Variants in NNT observed in about 807,000 individuals in gnomAD.
NNT encodes nicotinamide nucleotide transhydrogenase.
A neutral mutation model predicts 104.8 loss-of-function variants in NNT; 50 were observed. That is an observed-to-expected ratio of 0.48 (90% CI 0.38 to 0.60). The LOEUF (loss-of-function observed/expected upper bound fraction) is 0.60, where lower values mean the gene tolerates loss of function less well. Ranked by LOEUF, NNT falls within the 20% of genes least tolerant of loss-of-function variation. The pLI, the probability that NNT is intolerant of heterozygous loss-of-function variation, is 0.00. For synonymous variants in NNT, 461 were observed against 490.4 expected, an observed-to-expected ratio of 0.94 and a Z score of 0.79; for missense variants, 1,131 against 1,330.7, an observed-to-expected ratio of 0.85 and a Z score of 2.33.
At chr5:43,631,151 G>T (rs1328063873) in intron 7 of NNT, among the ~76,000 whole-genome samples, 2 of 152,182 alleles carry the variant, frequency 1.3e-5, no homozygotes, top group African/African-American at 2.4e-5. Context: ...GCGGCTAGAT[G>T]AAGCAGACAG....
intron 17 of NNT, among the ~76,000 whole-genome samples, chr5:43,662,621 C>T (rs951380175): frequency 2.6e-5 from 4 of 151,960 alleles, no homozygotes; most frequent in African/African-American, 9.7e-5. Context: ...GGCCAGGCGC[C>T]GTGGCTCATG....
intron 1 of NNT, among the ~76,000 whole-genome samples, chr5:43,604,092 T>A (rs1749077321): frequency 6.6e-6 from 1 of 152,164 alleles, no homozygotes; most frequent in Non-Finnish European, 1.5e-5. Flanking sequence ...CACCAGTGGC[T>A]TTGGGTGAGG....
At chr5:43,671,328 G>A (rs915715014) in intron 17 of NNT, among the ~76,000 whole-genome samples, 1 of 152,168 alleles carries the variant, frequency 6.6e-6, no homozygotes, top group African/African-American at 2.4e-5. Flanking sequence ...CTGTTATTAT[G>A]ATGTTAGCTG....
chr5:43,616,972 C>T (rs1005957492), intron 4 of NNT, among the ~76,000 whole-genome samples: 1 of 152,102 alleles, frequency 6.6e-6, no homozygotes, highest in Non-Finnish European at 1.5e-5. Flanking sequence ...TAAAAAGACA[C>T]TAACATGACT....
chr5:43,640,611 A>C (rs990682599), intron 7 of NNT, among the ~76,000 whole-genome samples: 1 of 152,074 alleles, frequency 6.6e-6, no homozygotes, highest in African/African-American at 2.4e-5. Flanking sequence ...TACAAAGTAG[A>C]AAATAAAGAT....
chr5:43,671,615 A>C (rs2112068038), intron 17 of NNT, among the ~76,000 whole-genome samples: 1 of 152,172 alleles, frequency 6.6e-6, no homozygotes, highest in African/African-American at 2.4e-5. Context: ...ATTGGCCCCC[A>C]CTCTCTTCTG....
At chr5:43,604,783 C>G (rs1364730681) in intron 1 of NNT, among the ~76,000 whole-genome samples, 1 of 152,164 alleles carries the variant, frequency 6.6e-6, no homozygotes, top group African/African-American at 2.4e-5. Flanking sequence ...GTGATTCTCC[C>G]ACCTCAGACT....
rs1739854515 is a variant in NNT at position 43,653,149 on chromosome 5, C to T, written c.1995C>T (p.Val665=). 1 of 1,614,110 alleles carries T rather than the reference C, an allele frequency of 6.2e-7. No homozygotes were observed. Among genetic ancestry groups the T allele is most frequent in the Non-Finnish European group, 8.5e-7 (1 of 1,180,026 alleles). The change falls in exon 14 of 22, where the codon GTC becomes GTT. Residue 665 remains valine, a synonymous_variant. Coordinates refer to ENST00000344920, the MANE Select transcript of NNT (RefSeq NM_182977.3). Reference sequence around the variant, plus strand: ...GAGGACTGGCAGCCACCCTCGGAGTCCTAAAACCGGGCCCAGAATTACTAG... The same window carrying T: ...GAGGACTGGCAGCCACCCTCGGAGTTCTAAAACCGGGCCCAGAATTACTAG... The part of the protein sequence containing the change: ...VAGGLAATLG[V]LKPGPELLAQ...
chr5:43,644,046 C>T, intron 7 of NNT, 146 bp from the exon 8 acceptor site: 1 of 693,452 alleles, frequency 1.4e-6, no homozygotes. Context: ...CAGTCTCACC[C>T]ATGCTATGGT....
intron 15 of NNT, among the ~76,000 whole-genome samples, chr5:43,656,364 A>G (rs1474377023): frequency 6.6e-6 from 1 of 152,228 alleles, no homozygotes; most frequent in Non-Finnish European, 1.5e-5. Flanking sequence ...GAGTATTCGT[A>G]TAGCACTCAG....
chr5:43,676,800 CA>C (rs1415050000), intron 18 of NNT, among the ~76,000 whole-genome samples: 1 of 152,098 alleles, frequency 6.6e-6, no homozygotes, highest in Admixed American at 6.5e-5. Context: ...ACTATGTAGA[CA>C]GTTTTTCAAT....
intron 5 of NNT, among the ~76,000 whole-genome samples, chr5:43,622,076 C>T (rs536512861): frequency 3.3e-5 from 5 of 152,210 alleles, no homozygotes; most frequent in Admixed American, 3.3e-4. Context: ...TGTGGCTGTT[C>T]TGTGGGGGAA....
intron 19 of NNT, among the ~76,000 whole-genome samples, chr5:43,695,147 C>G (rs1031735837): frequency 6.6e-6 from 1 of 152,020 alleles, no homozygotes; most frequent in Non-Finnish European, 1.5e-5. Flanking sequence ...ATTACAAGAC[C>G]CCTAATGGTA....
At chr5:43,623,088 A>T (rs939688952) in intron 5 of NNT, among the ~76,000 whole-genome samples, 2 of 152,038 alleles carry the variant, frequency 1.3e-5, no homozygotes, top group Non-Finnish European at 2.9e-5. Context: ...CCCCAAACAC[A>T]GCACCAAACA....
Position 43,650,666 on chromosome 5 carries a change from A to G in NNT, c.1717+79A>G. ...AAATATAAATCCATATAAAATAGAC[A>G]TAATTGTGCCTTCAAAAAATGTTTC... On this transcript the variant is annotated intron_variant, in intron 12 of 21. Coordinates refer to ENST00000344920, the MANE Select transcript of NNT (RefSeq NM_182977.3). 4.7e-6 allele frequency: 5 copies of G among 1,057,446 alleles called. No individual in the cohort carries two copies. In the Admixed American group the frequency reaches 9.6e-5, roughly 20 times the overall value. The allele number at this position is 1,057,446 out of a possible 1,614,324, so 65.5% of individuals were successfully genotyped here. A position where few individuals can be genotyped will look rare whatever the true frequency, so the allele number is the denominator to read the frequency against.
At chr5:43,644,132 A>G in intron 7 of NNT, 60 bp from the exon 8 acceptor site, 1 of 1,466,902 alleles carries the variant, frequency 6.8e-7, no homozygotes, top group Non-Finnish European at 9.3e-7. Context: ...TGTAATAATT[A>G]GACTTTAAGG....
At chr5:43,700,367 T>C (rs1435886855) in intron 20 of NNT, 130 bp downstream of exon 20, 1 of 583,818 alleles carries the variant, frequency 1.7e-6, no homozygotes, top group East Asian at 3.0e-5. Flanking sequence ...ACATGGTAGA[T>C]AATAAGTTGA....
intron 19 of NNT, among the ~76,000 whole-genome samples, chr5:43,685,084 G>A (rs1398884795): frequency 6.6e-6 from 1 of 152,144 alleles, no homozygotes; most frequent in African/African-American, 2.4e-5. Flanking sequence ...TAAATGAAGA[G>A]TTCCTACCTT....
intron 19 of NNT, among the ~76,000 whole-genome samples, chr5:43,697,658 GCTGGGAAGGTCTCACATT>G (rs1331321743): frequency 6.6e-6 from 1 of 152,160 alleles, no homozygotes; most frequent in Non-Finnish European, 1.5e-5. Context: ...GTTCCACAAG[GCTGGGAAGGTCTCACATT>G]CATGGCAGAA....
Sources: allele counts gnomAD v4.1 joint callset (sites outside exome capture counted in the v4.1 genomes callset), GRCh38; gene constraint gnomAD v4.1.1; transcripts MANE v1.5; gene names NCBI Gene and HGNC (gene_info 2026-07-23, HGNC 2026-07-21).